Variants in PCDHGA7 observed in about 807,000 individuals in gnomAD.
The protein encoded by PCDHGA7 is protocadherin gamma-A7.
PCDHGA7 carries 44 observed loss-of-function variants against 58.3 expected under a neutral mutation model. The observed-to-expected ratio is 0.75, with a 90% CI of 0.59 to 0.97. PCDHGA7 has a LOEUF of 0.97. PCDHGA7 is among the 50% of genes least tolerant of loss of function. The probability of loss-of-function intolerance (pLI) is 0.00; values close to 1 mark genes in which losing one functional copy is unlikely to be tolerated. For synonymous variants in PCDHGA7, 516 were observed against 504.2 expected (o/e 1.02, Z -0.31); for missense variants, 1,266 against 1,188.7 (o/e 1.06, Z -0.96).
chr5:141,410,827 A>G lies in PCDHGA7; in HGVS notation c.2424+25504A>G. The G allele has an allele frequency of 1.4e-5, 6 of 440,972 alleles. No individual in the cohort carries two copies. The South Asian group carries it at 2.4e-4, about 18-fold the overall frequency. 27.3% of individuals were successfully genotyped at this position (440,972 alleles called of 1,614,324 possible). The stretch of plus-strand genomic sequence containing the variant: ...TCTTTTTGTAAAATAATGTCACCAG[A>G]CTGAAGATATTTTGTCTTTGTCTTT... On this transcript the variant is annotated intron_variant, in intron 1 of 3. Transcript: ENST00000518325.
In PCDHGA7 at chr5:141,491,731, C is replaced by T. The variant is rs1198438920; in HGVS notation, c.2425-3076C>T. ...GGGCTCGGCGCCGCCCCGGGCGACC[C>T]CTGGGGGCGGCACTGGAGAAGCCGC... On this transcript the variant is annotated intron_variant, in intron 1 of 3. Coordinates refer to ENST00000518325, the MANE Select transcript of PCDHGA7 (RefSeq NM_018920.4). The surrounding 1 kb of genome is among the most constrained non-coding windows in gnomAD (Gnocchi z 6.9). 1 of 1,603,678 alleles carries T rather than the reference C, an allele frequency of 6.2e-7. No homozygotes were observed. Among genetic ancestry groups the T allele is most frequent in the Non-Finnish European group, 8.5e-7 (1 of 1,175,748 alleles).
Position 141,418,262 on chromosome 5 carries a change from A to G in PCDHGA7, c.2424+32939A>G. On this transcript the variant is annotated intron_variant, in intron 1 of 3. Transcript: ENST00000518325. Reference sequence around the variant, plus strand: ...TAATGACCACGCCCCTCAATTCCGGAAAGATGAAATAAACTTAGAAATCAG... The same window carrying G: ...TAATGACCACGCCCCTCAATTCCGGGAAGATGAAATAAACTTAGAAATCAG... 2 of 1,614,068 alleles carry G rather than the reference A, an allele frequency of 1.2e-6. No homozygotes were observed. The highest frequency in any genetic ancestry group is 1.7e-6 in the Non-Finnish European group (2 of 1,179,902).
intron 1 of PCDHGA7, chr5:141,400,775 C>T (rs2094072666): frequency 5.4e-6 from 3 of 559,824 alleles, no homozygotes; most frequent in South Asian, 5.1e-5. Context: ...ACATTTGGTG[C>T]GTTTTTTTGT....
At chr5:141,430,834 G>T (rs1317415848) in intron 1 of PCDHGA7, 1 of 1,557,712 alleles carries the variant, frequency 6.4e-7, no homozygotes, top group Non-Finnish European at 8.7e-7. Context: ...CTCTGTGGGA[G>T]ACCGGATGCA....
At position 141,432,643 on chromosome 5, in the gene PCDHGA7, G is replaced by A. The variant is rs2097523971; in HGVS notation, c.2424+47320G>A. 15 of 1,613,754 alleles carry A rather than the reference G, an allele frequency of 9.3e-6. No homozygotes were observed. Among genetic ancestry groups the A allele is most frequent in the East Asian group, 4.5e-5 (2 of 44,860 alleles). ...GTCTGCACACGGGCGAGGTGCGCAC[G>A]GCGCGAGCCCTGCTGGACAGAGACG... On this transcript the variant is annotated intron_variant, in intron 1 of 3. Coordinates refer to ENST00000518325, the MANE Select transcript of PCDHGA7 (RefSeq NM_018920.4). This position sits in a 1 kb window ranked among gnomAD's most constrained non-coding sequence, Gnocchi z 6.0.
intron 2 of PCDHGA7, among the ~76,000 whole-genome samples, chr5:141,495,936 T>C (rs1329369782): frequency 6.6e-6 from 1 of 152,206 alleles, no homozygotes; most frequent in Non-Finnish European, 1.5e-5. Flanking sequence ...GTCTCTGGTC[T>C]CTGTGCCTGT....
chr5:141,496,083 C>T (rs1267834920), intron 2 of PCDHGA7, among the ~76,000 whole-genome samples: 8 of 151,904 alleles, frequency 5.3e-5, no homozygotes, highest in Admixed American at 3.3e-4. Flanking sequence ...CAACCCCCCA[C>T]CCACCACCCA....
intron 1 of PCDHGA7, chr5:141,414,621 C>G: frequency 6.2e-7 from 1 of 1,613,996 alleles, no homozygotes; most frequent in Non-Finnish European, 8.5e-7. Flanking sequence ...CAGCGCTGGA[C>G]CCGGACAGCA....
intron 1 of PCDHGA7, among the ~76,000 whole-genome samples, chr5:141,449,630 T>C (rs1006977026): frequency 6.7e-6 from 1 of 150,024 alleles, no homozygotes; most frequent in South Asian, 2.1e-4. Flanking sequence ...TTTAAAAAGA[T>C]GTATCTATAT....
chr5:141,417,767 T>G lies in PCDHGA7; in HGVS notation c.2424+32444T>G, dbSNP rs1333916865. 1.3e-5 allele frequency: 19 copies of G among 1,442,000 alleles called. No individual in the cohort carries two copies. The South Asian group carries it at 1.8e-4, about 13-fold the overall frequency. 89.3% of individuals were successfully genotyped at this position (1,442,000 alleles called of 1,614,324 possible). ...GATTGCCAGCTCCGAGACCCGGGAC[T>G]CCTCCTGTCCTGGGCCGAATGCTCT... On this transcript the variant is annotated intron_variant, in intron 1 of 3. Coordinates refer to ENST00000518325, the MANE Select transcript of PCDHGA7 (RefSeq NM_018920.4).
At chr5:141,399,644 A>C in intron 1 of PCDHGA7, 1 of 1,613,810 alleles carries the variant, frequency 6.2e-7, no homozygotes, top group Non-Finnish European at 8.5e-7. Flanking sequence ...ATGAGCGCGC[A>C]AAGTGGGGTG....
chr5:141,419,332 C>A, intron 1 of PCDHGA7: 1 of 1,613,950 alleles, frequency 6.2e-7, no homozygotes, highest in South Asian at 1.1e-5. Context: ...CCTACTCTCT[C>A]ATTGCCAGCG....
intron 1 of PCDHGA7, chr5:141,389,589 G>C (rs780685929): frequency 8.1e-6 from 13 of 1,613,168 alleles, no homozygotes; most frequent in Non-Finnish European, 1.1e-5. Context: ...GGGTCCCGAC[G>C]GCTCTGCGCT....
At chr5:141,473,212 C>G (rs1311953997) in intron 1 of PCDHGA7, among the ~76,000 whole-genome samples, 1 of 152,012 alleles carries the variant, frequency 6.6e-6, no homozygotes, top group Non-Finnish European at 1.5e-5. Flanking sequence ...AAAATGCTTA[C>G]TTCCAGGGAG....
rs1322608789 is a variant in PCDHGA7, at chr5:141,485,671, G to A, written c.2425-9136G>A. 3 of 1,612,860 alleles carry A rather than the reference G, an allele frequency of 1.9e-6. No homozygotes were observed. The highest frequency in any genetic ancestry group is 2.5e-6 in the Non-Finnish European group (3 of 1,179,040). On this transcript the variant is annotated intron_variant, in intron 1 of 3. Coordinates refer to ENST00000518325, the MANE Select transcript of PCDHGA7 (RefSeq NM_018920.4). This position sits in a 1 kb window ranked among gnomAD's most constrained non-coding sequence, Gnocchi z 5.7. Reference sequence around the variant, plus strand: ...AGGATGCAGATGTGGGGAGCAATTCGATTAGCAGCTATAGGCTGAGCTCCA... The same window carrying A: ...AGGATGCAGATGTGGGGAGCAATTCAATTAGCAGCTATAGGCTGAGCTCCA...
chr5:141,416,031 C>G (rs1301059596), intron 1 of PCDHGA7: 1 of 207,362 alleles, frequency 4.8e-6, no homozygotes, highest in Non-Finnish European at 9.4e-6. Context: ...AGAAAGAAAT[C>G]ACCTCTGGAA....
At chr5:141,389,609 G>A (rs1188923316) in intron 1 of PCDHGA7, 3 of 1,612,966 alleles carry the variant, frequency 1.9e-6, no homozygotes, top group South Asian at 2.2e-5. Flanking sequence ...TCTTCGATAT[G>A]GTGCCGCACG....
In PCDHGA7 at chr5:141,412,947, C is replaced by T. The variant is rs930035804; in HGVS notation, c.2424+27624C>T. On this transcript the variant is annotated intron_variant, in intron 1 of 3. Coordinates refer to ENST00000518325, the MANE Select transcript of PCDHGA7 (RefSeq NM_018920.4). ...AGTAACTTCTTAGGACTCTGAGCGC[C>T]GCTGTTCACCTACTAGGAGAGAAAA... is the stretch of plus-strand genomic sequence containing the variant. The T allele has an allele frequency of 2.3e-5, 11 of 475,008 alleles. No individual in the cohort carries two copies. The Middle Eastern group carries it at 2.2e-3, about 94-fold the overall frequency. 29.4% of individuals were successfully genotyped at this position (475,008 alleles called of 1,614,324 possible). A position where few individuals can be genotyped will look rare whatever the true frequency, so the allele number is the denominator to read the frequency against.
chr5:141,494,751 G>A, intron 1 of PCDHGA7, 56 bp from the exon 2 acceptor site: 2 of 1,613,426 alleles, frequency 1.2e-6, no homozygotes, highest in Non-Finnish European at 8.5e-7. Flanking sequence ...AGGGGCTCGG[G>A]TGACATTCTA....
Sources: allele counts gnomAD v4.1 joint callset (sites outside exome capture counted in the v4.1 genomes callset), GRCh38; gene constraint gnomAD v4.1.1; non-coding constraint Gnocchi (gnomAD v3.1); transcripts MANE v1.5; gene names NCBI Gene and HGNC (gene_info 2026-07-23, HGNC 2026-07-21).